Variants in RABGGTB observed in about 807,000 individuals in gnomAD.
The protein encoded by RABGGTB is geranylgeranyl transferase type-2 subunit beta.
Under a neutral mutation model 44.5 loss-of-function variants are expected in RABGGTB, and 20 were observed. The observed-to-expected ratio is 0.45, with a 90% CI of 0.32 to 0.65. The LOEUF (loss-of-function observed/expected upper bound fraction) is 0.65. RABGGTB is among the 30% of genes least tolerant of loss of function. The probability of loss-of-function intolerance (pLI) is 0.05; values close to 1 mark genes in which losing one functional copy is unlikely to be tolerated. For synonymous variants in RABGGTB, 128 were observed against 136.7 expected (o/e 0.94, Z 0.44); for missense variants, 302 against 398.7 (o/e 0.76, Z 2.06).
In RABGGTB at chr1:75,794,759, G is replaced by A; in HGVS notation, c.*109G>A. 3.7e-6 allele frequency: 3 copies of A among 805,622 alleles called. No homozygotes were observed. The highest frequency in any genetic ancestry group is 5.1e-6 in the Non-Finnish European group (3 of 589,482). The allele number at this position is 805,622 out of a possible 1,614,324, so 49.9% of individuals were successfully genotyped here. The stretch of plus-strand genomic sequence containing the variant: ...CTACTGTTAATATTTTGTATATTGT[G>A]TTAAATTAATTTTAATAAATTATAT... On this transcript the variant is annotated 3_prime_UTR_variant, in exon 9 of 9. Transcript: ENST00000319942.
rs531935003 is a variant in RABGGTB, at chr1:75,794,799, T to A, written c.*149T>A. ...ATAAATTATATAATTATACATATTG[T>A]AAAATAAAGACCGGTATTTTATTTT... On this transcript the variant is annotated 3_prime_UTR_variant, in exon 9 of 9. Coordinates refer to ENST00000319942, the MANE Select transcript of RABGGTB (RefSeq NM_004582.4). 1 of 503,426 alleles carries A rather than the reference T, an allele frequency of 2.0e-6. No individual in the cohort carries two copies. The highest frequency in any genetic ancestry group is 5.1e-5 in the East Asian group (1 of 19,666). The allele number at this position is 503,426 out of a possible 1,614,324, so 31.2% of individuals were successfully genotyped here. A position where few individuals can be genotyped will look rare whatever the true frequency, so the allele number is the denominator to read the frequency against.
rs552337803 is a variant in RABGGTB, at chr1:75,787,537, C to T, written c.44C>T (p.Pro15Leu). The change falls in exon 2 of 9, where the codon CCG becomes CTG. Residue 15 changes from proline (P) to leucine (L), a missense_variant. Pro to Leu is a moderately conservative substitution (Grantham distance 98). This residue lies in a region of RABGGTB where 89 missense variants were observed against 75.0 expected (regional missense o/e 1.19). Coordinates refer to ENST00000319942, the MANE Select transcript of RABGGTB (RefSeq NM_004582.4). Reference sequence around the variant, plus strand: ...GATGTTATTATCAAGTCAGATGCACCGGACACTTTGTTATTGGAGAAACAT... The same window carrying T: ...GATGTTATTATCAAGTCAGATGCACTGGACACTTTGTTATTGGAGAAACAT... ...QKDVIIKSDAPDTLLLEKHAD... is the reference protein window; with the variant it reads ...QKDVIIKSDALDTLLLEKHAD... The T allele has an allele frequency of 2.5e-6, 4 of 1,613,882 alleles. No homozygotes were observed. Among genetic ancestry groups the T allele is most frequent in the African/African-American group, 1.3e-5 (1 of 74,978 alleles).
intron 7 of RABGGTB, among the ~76,000 whole-genome samples, chr1:75,792,982 T>A (rs1038943428): frequency 1.3e-5 from 2 of 152,184 alleles, no homozygotes; most frequent in Admixed American, 6.5e-5. Flanking sequence ...CACGGCTAAT[T>A]TTTGTATTTT....
chr1:75,791,655 G>A, intron 6 of RABGGTB, 84 bp downstream of exon 6: 1 of 1,160,264 alleles, frequency 8.6e-7, no homozygotes, highest in Non-Finnish European at 1.3e-6. Context: ...TTCAGTGTTT[G>A]TCAAATACAC....
chr1:75,786,361 G>A (rs1649476409), intron 1 of RABGGTB, 87 bp downstream of exon 1: 1 of 1,547,688 alleles, frequency 6.5e-7, no homozygotes. Context: ...CCTTAGGATT[G>A]GTTTCCTGGT....
chr1:75,790,444 AG>A lies in RABGGTB; in HGVS notation c.415+390del. On this transcript the variant is annotated intron_variant, in intron 4 of 8. Coordinates refer to ENST00000319942, the MANE Select transcript of RABGGTB (RefSeq NM_004582.4). ...GATAAACGTAGATAATCTCTGCTTT[AG>A]GGATGAACACAGTGCAGGCCAGAGA... 4 of 1,086,422 alleles carry A rather than the reference AG, an allele frequency of 3.7e-6. 1 individual carries two copies. In the South Asian group the frequency reaches 1.7e-4, roughly 45 times the overall value. The allele number at this position is 1,086,422 out of a possible 1,614,324, so 67.3% of individuals were successfully genotyped here.
At chr1:75,794,339 G>A in intron 8 of RABGGTB, 106 bp downstream of exon 8, 1 of 1,366,542 alleles carries the variant, frequency 7.3e-7, no homozygotes, top group Non-Finnish European at 9.9e-7. Context: ...TTTGAAAGCA[G>A]TTTTTTTTTC....
intron 7 of RABGGTB, chr1:75,793,550 A>G (rs1237303727): frequency 6.6e-6 from 1 of 152,354 alleles, no homozygotes; most frequent in Non-Finnish European, 1.5e-5. Flanking sequence ...GCACTTGCAC[A>G]CAATCTAGGG....
rs1248777208 is a variant in RABGGTB at position 75,790,051 on chromosome 1, A to G, written c.409A>G (p.Ile137Val). 10 of 1,612,636 alleles carry G rather than the reference A, an allele frequency of 6.2e-6. No individual in the cohort carries two copies. The highest frequency in any genetic ancestry group is 1.7e-5 in the Admixed American group (1 of 59,938). ...AGAAGATGGTTCTTTTGCTGGAGAT[A>G]TTTGGGGTAATGTCAGATTTAGTCC... ...QKEDGSFAGD[I>V]WGEIDTRFSF... The change falls in exon 4 of 9, where the codon ATT (isoleucine) becomes GTT (valine). Residue 137 changes from isoleucine to valine, a missense_variant. This residue lies in a region of RABGGTB where 213 missense variants were observed against 323.7 expected (regional missense o/e 0.66). Transcript: ENST00000319942.
intron 7 of RABGGTB, 90 bp from the exon 8 acceptor site, chr1:75,793,994 C>G: frequency 1.3e-6 from 1 of 757,678 alleles, no homozygotes; most frequent in Non-Finnish European, 1.9e-6. Context: ...ATCAGATTAC[C>G]TAAGAGTGAG....
Position 75,794,999 on chromosome 1 carries a change from A to G in RABGGTB, c.*349A>G. On this transcript the variant is annotated 3_prime_UTR_variant, in exon 9 of 9. Coordinates refer to ENST00000319942, the MANE Select transcript of RABGGTB (RefSeq NM_004582.4). ...CAAGTTGATGTAAATTGGTTTGTCA[A>G]CAAGAATGTTAACTGATGAAAGTGG... 4.3e-6 allele frequency: 1 copy of G among 230,742 alleles called. No individual in the cohort carries two copies. The highest frequency in any genetic ancestry group is 8.7e-6 in the Non-Finnish European group (1 of 114,442). The allele number at this position is 230,742 out of a possible 1,614,324, so 14.3% of individuals were successfully genotyped here.
chr1:75,787,653 C>T (rs1050700948), intron 2 of RABGGTB, 49 bp downstream of exon 2: 4 of 1,383,108 alleles, frequency 2.9e-6, no homozygotes, highest in Non-Finnish European at 4.1e-6. Flanking sequence ...AGAAGTGTGA[C>T]AGTCATAAGC....
At chr1:75,789,672 C>A in intron 3 of RABGGTB, 1 of 583,444 alleles carries the variant, frequency 1.7e-6, no homozygotes, top group South Asian at 2.0e-5. Flanking sequence ...CTACTGGGTG[C>A]TGAGATGGGA....
chr1:75,787,990 A>G (rs1389361269), intron 2 of RABGGTB: 2 of 497,332 alleles, frequency 4.0e-6, no homozygotes, highest in Non-Finnish European at 8.0e-6. Flanking sequence ...TTTTACCTTA[A>G]ATTTTTAAAT....
chr1:75,789,417 A>C lies in RABGGTB; in HGVS notation c.309+61A>C. The C allele has an allele frequency of 3.3e-6, 5 of 1,522,690 alleles. No homozygotes were observed. In the South Asian group the frequency reaches 5.6e-5, roughly 17 times the overall value. The allele number at this position is 1,522,690 out of a possible 1,614,324, so 94.3% of individuals were successfully genotyped here. On this transcript the variant is annotated intron_variant, in intron 3 of 8. Transcript: ENST00000319942. ...TATGTTCTCTTACTTCAGAGTTGGA[A>C]ATTGAAACTGTATCAGGATTTGGTC...
At chr1:75,791,937 T>G (rs892571077) in intron 6 of RABGGTB, 5 of 431,896 alleles carry the variant, frequency 1.2e-5, no homozygotes, top group African/African-American at 7.9e-5. Flanking sequence ...AATATGTGAA[T>G]GGATGGCTGT....
chr1:75,793,981 A>G, intron 7 of RABGGTB, 103 bp from the exon 8 acceptor site: 1 of 1,101,132 alleles, frequency 9.1e-7, no homozygotes, highest in Non-Finnish European at 1.3e-6. Context: ...TGACACTTTG[A>G]ACATCAGATT....
At chr1:75,790,090 T>TA in intron 4 of RABGGTB, 33 bp downstream of exon 4, 1 of 1,607,732 alleles carries the variant, frequency 6.2e-7, no homozygotes. Context: ...CTACCCAAAA[T>TA]ACCAATATTA....
intron 8 of RABGGTB, 82 bp downstream of exon 8, chr1:75,794,315 A>C: frequency 6.8e-7 from 1 of 1,476,256 alleles, no homozygotes; most frequent in South Asian, 1.4e-5. Context: ...CCAGGGTGGC[A>C]TTCCGAGTGT....
Sources: gnomAD v4.1 joint callset for allele counts (sites outside exome capture counted in the v4.1 genomes callset) on GRCh38, gnomAD v4.1.1 for gene constraint, gnomAD v4.1.1 regional missense constraint, MANE v1.5 for transcripts, NCBI Gene and HGNC (gene_info 2026-07-23, HGNC 2026-07-21) for gene names.